Variants in GPAM observed in about 807,000 individuals in gnomAD.
GPAM encodes glycerol-3-phosphate acyltransferase, mitochondrial, also known as glycerol-3-phosphate acyltransferase 1, mitochondrial.
A neutral mutation model predicts 105.0 loss-of-function variants in GPAM; 56 were observed. The ratio of observed to expected loss-of-function variants is 0.53; its 90% CI spans 0.43 to 0.67. GPAM has a LOEUF of 0.67. Ranked by LOEUF, GPAM falls within the 30% of genes least tolerant of loss-of-function variation. The pLI, the probability that GPAM is intolerant of heterozygous loss-of-function variation, is 0.00. For synonymous variants in GPAM, 368 were observed against 354.4 expected (o/e 1.04, Z -0.43); for missense variants, 855 against 989.8 (o/e 0.86, Z 1.83).
At chr10:112,198,781 G>A (rs746509151) in intron 1 of GPAM, among the ~76,000 whole-genome samples, 6 of 152,114 alleles carry the variant, frequency 3.9e-5, no homozygotes, top group South Asian at 2.1e-4. Context: ...CTATGTGTCC[G>A]TTGATGGAAG....
chr10:112,192,446 T>C (rs1378117365), intron 1 of GPAM, among the ~76,000 whole-genome samples: 1 of 152,038 alleles, frequency 6.6e-6, no homozygotes, highest in Admixed American at 6.5e-5. Flanking sequence ...AGAACAGAGG[T>C]GGCCGATATT....
intron 2 of GPAM, 22 bp from the exon 3 acceptor site, chr10:112,181,835 T>G: frequency 9.9e-7 from 1 of 1,006,326 alleles, no homozygotes; most frequent in Non-Finnish European, 1.6e-6. Flanking sequence ...AGGTACCATT[T>G]AAATTAACAA....
intron 18 of GPAM, 27 bp downstream of exon 18, chr10:112,158,289 C>T (rs367762052): frequency 1.5e-6 from 2 of 1,295,310 alleles, no homozygotes; most frequent in African/African-American, 2.9e-5. Flanking sequence ...AGTATAAAGA[C>T]AAATAAAGGA....
chr10:112,159,458 C>T (rs929646036), intron 17 of GPAM, among the ~76,000 whole-genome samples: 5 of 151,956 alleles, frequency 3.3e-5, no homozygotes, highest in Admixed American at 6.6e-5. Flanking sequence ...CTCCTGACCT[C>T]GTGATCTGCC....
Position 112,152,129 on chromosome 10 carries a change from A to G in GPAM, c.*1421T>C. The G allele has an allele frequency of 1.0e-6, 1 of 974,520 alleles. No individual in the cohort carries two copies. Among genetic ancestry groups the G allele is most frequent in the Admixed American group, 6.1e-5 (1 of 16,268 alleles). 60.4% of individuals were successfully genotyped at this position (974,520 alleles called of 1,614,324 possible). A position where few individuals can be genotyped will look rare whatever the true frequency, so the allele number is the denominator to read the frequency against. On this transcript the variant is annotated 3_prime_UTR_variant, in exon 22 of 22. Transcript: ENST00000348367. ...CCAAGCTTATGGAAGTACAAACTTA[A>G]TTCTCAGTACTTTTATACTAAATTC... is the stretch of plus-strand genomic sequence containing the variant.
Position 112,181,729 on chromosome 10 carries a change from G to T in GPAM, c.56C>A (p.Ser19Ter). The T allele has an allele frequency of 2.5e-6, 4 of 1,610,784 alleles. No homozygotes were observed. Among genetic ancestry groups the T allele is most frequent in the Non-Finnish European group, 2.5e-6 (3 of 1,177,124 alleles). Residue 19 changes from serine (S) to a stop codon, truncating the protein, a stop_gained, in exon 3 of 22, where the codon TCA becomes TAA. Transcript: ENST00000348367. LOFTEE classifies it high-confidence loss of function. ...GTIDVSYLPH[S>*]SEYSVGRCKH... ...ACATCGACCAACACTGTATTCTGATGAATGTGGCAGATAAGAAACATCTAT... is the reference window on the plus strand; with the variant it reads ...ACATCGACCAACACTGTATTCTGATTAATGTGGCAGATAAGAAACATCTAT...
At chr10:112,159,027 T>C (rs757137914) in intron 17 of GPAM, among the ~76,000 whole-genome samples, 1 of 152,012 alleles carries the variant, frequency 6.6e-6, no homozygotes, top group Non-Finnish European at 1.5e-5. Flanking sequence ...CAAAAGAAAA[T>C]ATCGGAATTC....
In GPAM at chr10:112,153,394, G is replaced by C; in HGVS notation, c.*156C>G. ...TTGATGCAGAGCTGGGAAGATCACAGATCCATGGAGGGAGAAGGCACTTGT... is the reference window on the plus strand; with the variant it reads ...TTGATGCAGAGCTGGGAAGATCACACATCCATGGAGGGAGAAGGCACTTGT... On this transcript the variant is annotated 3_prime_UTR_variant, in exon 22 of 22. Transcript: ENST00000348367. 6.3e-7 allele frequency: 1 copy of C among 1,574,914 alleles called. No homozygotes were observed. The highest frequency in any genetic ancestry group is 1.1e-5 in the South Asian group (1 of 87,976).
At chr10:112,166,587 A>G (rs1847221702) in intron 11 of GPAM, 72 bp from the exon 12 acceptor site, 2 of 859,798 alleles carry the variant, frequency 2.3e-6, no homozygotes, top group Admixed American at 3.4e-5. Flanking sequence ...TATTATCCAC[A>G]GAATAACTTG....
At chr10:112,216,661 TC>T (rs1417589193), upstream of GPAM, among the ~76,000 whole-genome samples, 1 of 151,782 alleles carries the variant, frequency 6.6e-6, no homozygotes, top group African/African-American at 2.4e-5. Context: ...TCTCACTCTG[TC>T]CCCCAGGCTG....
intron 1 of GPAM, among the ~76,000 whole-genome samples, chr10:112,192,005 C>G (rs143143930): frequency 1.3e-5 from 2 of 152,230 alleles, no homozygotes; most frequent in East Asian, 3.9e-4. Context: ...TTGAGTACCA[C>G]GCAGAGCCCA....
rs745556283 is a variant in GPAM at position 112,173,760 on chromosome 10, T to C, written c.499A>G (p.Lys167Glu). ...TGAAGAATCCTTTTAGCTTTCTTTTTCACTTTGTTAACGGCTTTTGATTGC... is the reference window on the plus strand; with the variant it reads ...TGAAGAATCCTTTTAGCTTTCTTTTCCACTTTGTTAACGGCTTTTGATTGC... ...QQQSKAVNKV[K>E]KKAKRILQEM... Residue 167 changes from lysine (K) to glutamate (E), a missense_variant, in exon 7 of 22, where the codon AAA becomes GAA. By Grantham distance (56) the Lys-to-Glu change is moderately conservative (BLOSUM62 1). Transcript: ENST00000348367. The C allele has an allele frequency of 1.9e-6, 3 of 1,613,980 alleles. No individual in the cohort carries two copies. Among genetic ancestry groups the C allele is most frequent in the Non-Finnish European group, 2.5e-6 (3 of 1,179,836 alleles).
intron 1 of GPAM, among the ~76,000 whole-genome samples, chr10:112,194,660 C>T (rs543002350): frequency 1.1e-4 from 17 of 152,316 alleles, no homozygotes; most frequent in African/African-American, 4.1e-4. Context: ...AAGCTTTCTA[C>T]TGTTGTATAA....
chr10:112,174,854 A>G (rs146088895), intron 6 of GPAM, among the ~76,000 whole-genome samples: 135 of 152,310 alleles, frequency 8.9e-4, no homozygotes, highest in African/African-American at 2.9e-3. Flanking sequence ...TTGAGTACAT[A>G]TTATGTGCCA....
intron 13 of GPAM, 150 bp downstream of exon 13, chr10:112,164,375 A>G: frequency 3.2e-6 from 2 of 631,446 alleles, no homozygotes; most frequent in East Asian, 5.6e-5. Context: ...AAAACATGTC[A>G]TCTCAATATC....
intron 1 of GPAM, among the ~76,000 whole-genome samples, chr10:112,212,111 A>G (rs1329954620): frequency 6.6e-6 from 1 of 152,140 alleles, no homozygotes; most frequent in Non-Finnish European, 1.5e-5. Context: ...GTGGTCAGAA[A>G]AGATGTTAGG....
intron 1 of GPAM, among the ~76,000 whole-genome samples, chr10:112,203,254 C>G (rs769805086): frequency 6.6e-6 from 1 of 152,216 alleles, no homozygotes; most frequent in Non-Finnish European, 1.5e-5. Flanking sequence ...TCATTTCTCT[C>G]TTATCCTGAA....
chr10:112,210,152 G>T (rs1847895612), intron 1 of GPAM, among the ~76,000 whole-genome samples: 1 of 152,228 alleles, frequency 6.6e-6, no homozygotes, highest in African/African-American at 2.4e-5. Flanking sequence ...GAAGTTCTGG[G>T]AACTGAAGGA....
chr10:112,160,685 T>C lies in GPAM; in HGVS notation c.1678A>G (p.Ser560Gly), dbSNP rs1847106513. 4 of 1,613,756 alleles carry C rather than the reference T, an allele frequency of 2.5e-6. No individual in the cohort carries two copies. The East Asian group carries it at 6.7e-5, about 27-fold the overall frequency. ...TCGAAGACTGATGGGACAGTTGTGC[T>C]GGGGGTGATAAAAAACTCATCGTTC... is the stretch of plus-strand genomic sequence containing the variant. ...SRNDEFFITP[S>G]TTVPSVFELN... is the part of the protein sequence containing the mutation. The change falls in exon 16 of 22, where the codon AGC becomes GGC. Residue 560 changes from serine (S) to glycine (G), a missense_variant. Physicochemically the swap from Ser to Gly is moderately conservative, Grantham distance 56 (BLOSUM62 0). Transcript: ENST00000348367.
Sources: gnomAD v4.1 joint callset for allele counts (sites outside exome capture counted in the v4.1 genomes callset) on GRCh38, gnomAD v4.1.1 for gene constraint, MANE v1.5 for transcripts, NCBI Gene and HGNC (gene_info 2026-07-23, HGNC 2026-07-21) for gene names.